The following FBN1 variants were observed in gnomAD, a reference collection of about 807,000 sequenced individuals.
FBN1 encodes the protein fibrillin-1.
Under a neutral mutation model 365.1 loss-of-function variants are expected in FBN1, and 29 were observed. The ratio of observed to expected loss-of-function variants is 0.08; its 90% CI spans 0.06 to 0.11. The LOEUF is 0.11. FBN1 is among the 10% of genes least tolerant of loss of function. FBN1 has a pLI of 1.00. For synonymous variants in FBN1, 1,210 were observed against 1,270.5 expected (o/e 0.95, Z 1.01); for missense variants, 2,476 against 3,703.2 (o/e 0.67, Z 8.60).
chr15:48,633,852 G>A (rs1019952550), intron 2 of FBN1, among the ~76,000 whole-genome samples: 1 of 152,166 alleles, frequency 6.6e-6, no homozygotes, highest in Admixed American at 6.5e-5. Flanking sequence ...CGCCTCTTAG[G>A]TCAGCTCTCG....
At chr15:48,416,335 G>A (rs1007783528) in intron 63 of FBN1, among the ~76,000 whole-genome samples, 3 of 152,142 alleles carry the variant, frequency 2.0e-5, no homozygotes, top group Non-Finnish European at 4.4e-5. Context: ...TCTGCCCCAC[G>A]TGTCTGCCCC....
chr15:48,610,893 C>T, intron 3 of FBN1, 67 bp from the exon 4 acceptor site: 2 of 1,364,720 alleles, frequency 1.5e-6, no homozygotes, highest in African/African-American at 2.8e-5. Flanking sequence ...GGGACCAATC[C>T]TCAAATGAGG....
Position 48,513,540 on chromosome 15 carries a change from G to A in FBN1, c.1588+9C>T, listed in dbSNP as rs757843637. 1.2e-6 allele frequency: 2 copies of A among 1,613,950 alleles called. No homozygotes were observed. The highest frequency in any genetic ancestry group is 8.5e-7 in the Non-Finnish European group (1 of 1,179,878). ...GTCCCACATTCCACGTCAGGAGCCA[G>A]GACCATACCTCGGCATTCTGTCCGC... is the stretch of plus-strand genomic sequence containing the variant. On this transcript the variant is annotated intron_variant, in intron 13 of 65. Coordinates refer to ENST00000316623, the MANE Select transcript of FBN1 (RefSeq NM_000138.5).
At chr15:48,513,411 G>A (rs2141327419) in intron 13 of FBN1, 138 bp downstream of exon 13, 1 of 1,134,150 alleles carries the variant, frequency 8.8e-7, no homozygotes, top group Non-Finnish European at 1.3e-6. Context: ...GACAATAGGT[G>A]GAACTAAGTT....
At chr15:48,454,615 G>T (rs1417341770) in intron 44 of FBN1, among the ~76,000 whole-genome samples, 1 of 152,198 alleles carries the variant, frequency 6.6e-6, no homozygotes, top group African/African-American at 2.4e-5. Flanking sequence ...TCCAATAAAG[G>T]GGATGGCCTA....
chr15:48,487,460 T>G, intron 27 of FBN1, 23 bp from the exon 28 acceptor site: 1 of 1,612,672 alleles, frequency 6.2e-7, no homozygotes. Flanking sequence ...AATGACCATG[T>G]TAAAGGTGGG....
chr15:48,410,170 T>C lies in FBN1; in HGVS notation c.*820A>G, dbSNP rs1597506016. 6.6e-6 allele frequency: 1 copy of C among 152,650 alleles called. No individual in the cohort carries two copies. The highest frequency in any genetic ancestry group is 1.5e-5 in the Non-Finnish European group (1 of 68,036). 9.5% of individuals were successfully genotyped at this position (152,650 alleles called of 1,614,324 possible). A position where few individuals can be genotyped will look rare whatever the true frequency, so the allele number is the denominator to read the frequency against. On this transcript the variant is annotated 3_prime_UTR_variant, in exon 66 of 66. Transcript: ENST00000316623. Reference sequence around the variant, plus strand: ...GAGGGTAATCTTGGCATATTGCACATGCTGTGATGAAGGATGCACTGGTGA... The same window carrying C: ...GAGGGTAATCTTGGCATATTGCACACGCTGTGATGAAGGATGCACTGGTGA...
intron 2 of FBN1, among the ~76,000 whole-genome samples, chr15:48,635,546 G>T (rs928996584): frequency 1.3e-5 from 2 of 151,868 alleles, no homozygotes; most frequent in Non-Finnish European, 2.9e-5. Context: ...AAATTGAGGT[G>T]GATTACACCA....
chr15:48,553,627 T>C (rs2044159210), intron 6 of FBN1, among the ~76,000 whole-genome samples: 1 of 152,192 alleles, frequency 6.6e-6, no homozygotes, highest in Admixed American at 6.5e-5. Context: ...ACTTATATAA[T>C]ACTTCTCACT....
chr15:48,541,347 T>C (rs374488660), intron 6 of FBN1, among the ~76,000 whole-genome samples: 1 of 152,184 alleles, frequency 6.6e-6, no homozygotes, highest in South Asian at 2.1e-4. Flanking sequence ...ATAGACAAAG[T>C]TATTTTGGAA....
chr15:48,513,020 C>T lies in FBN1; in HGVS notation c.1588+529G>A, dbSNP rs564034439. 1.2e-4 allele frequency among the ~76,000 whole-genome samples: 19 copies of T among 152,270 alleles called. No homozygotes were observed. In the South Asian group the frequency reaches 3.3e-3, roughly 27 times the overall value. ...GCAGTGCTTCTCAAACTTCAATGTACATACAGATTGCTGGGGGATCTTGTT... is the reference window on the plus strand; with the variant it reads ...GCAGTGCTTCTCAAACTTCAATGTATATACAGATTGCTGGGGGATCTTGTT... On this transcript the variant is annotated intron_variant, in intron 13 of 65. Coordinates refer to ENST00000316623, the MANE Select transcript of FBN1 (RefSeq NM_000138.5).
chr15:48,607,181 A>C (rs1374736813), intron 4 of FBN1, among the ~76,000 whole-genome samples: 1 of 152,180 alleles, frequency 6.6e-6, no homozygotes, highest in Non-Finnish European at 1.5e-5. Context: ...TTTAATTTTT[A>C]GCATTCTTAA....
chr15:48,514,666 A>G (rs2043786813), intron 12 of FBN1, among the ~76,000 whole-genome samples: 1 of 152,108 alleles, frequency 6.6e-6, no homozygotes, highest in Non-Finnish European at 1.5e-5. Flanking sequence ...AGTCTAAGAG[A>G]GTTGGTAAGC....
Position 48,437,051 on chromosome 15 carries a change from C to T in FBN1, c.6406G>A (p.Val2136Ile). Reference protein sequence around the residue: ...VDMDECKEPDVCKHGQCINTD... With the variant: ...VDMDECKEPDICKHGQCINTD... ...TTGATGCACTGTCCATGTTTACAGA[C>T]ATCGGGTTCTTTGCATTCGTCCATA... is the stretch of plus-strand genomic sequence containing the variant. The change falls in exon 53 of 66, where the codon GTC (valine) becomes ATC (isoleucine). Residue 2136 changes from valine to isoleucine, a missense_variant. Physicochemically the swap from Val to Ile is conservative, Grantham distance 29 (BLOSUM62 3). Transcript: ENST00000316623. The T allele has an allele frequency of 1.2e-6, 2 of 1,612,942 alleles. No homozygotes were observed. The highest frequency in any genetic ancestry group is 2.2e-5 in the South Asian group (2 of 91,064).
At chr15:48,489,337 C>T (rs960952404) in intron 25 of FBN1, among the ~76,000 whole-genome samples, 1 of 151,704 alleles carries the variant, frequency 6.6e-6, no homozygotes, top group African/African-American at 2.4e-5. Flanking sequence ...GCATGAGCCA[C>T]CGCATCCAGC....
At chr15:48,568,075 A>G (rs1331607175) in intron 6 of FBN1, among the ~76,000 whole-genome samples, 3 of 149,108 alleles carry the variant, frequency 2.0e-5, no homozygotes, top group Admixed American at 1.3e-4. Context: ...AAAGAAAGAA[A>G]GAAAGAAAGA....
Position 48,553,672 on chromosome 15 carries a change from AT to A in FBN1, c.539-15865del, listed in dbSNP as rs112684708. On this transcript the variant is annotated intron_variant, in intron 6 of 65. Transcript: ENST00000316623. Reference sequence around the variant, plus strand: ...CTACTCTGTGAGTGTGAGATGAGCCATTTTTTTTTTCCAGATGTTATTGTTA... The same window carrying A: ...CTACTCTGTGAGTGTGAGATGAGCCATTTTTTTTTCCAGATGTTATTGTTA... Among the ~76,000 whole-genome samples the A allele has an allele frequency of 0.017, 2,564 of 150,018 alleles. 207 individuals are homozygous for A. In the East Asian group the frequency reaches 0.24, roughly 14 times the overall value.
At chr15:48,590,069 A>ATGGGAGTTAGCC (rs1290189743) in intron 6 of FBN1, among the ~76,000 whole-genome samples, 2 of 152,230 alleles carry the variant, frequency 1.3e-5, no homozygotes, top group African/African-American at 4.8e-5. Flanking sequence ...CACATGGAGA[A>ATGGGAGTTAGCC]TGGGAGTTAG....
At chr15:48,600,277 C>T (rs1172336827) in intron 4 of FBN1, 43 bp from the exon 5 acceptor site, 1 of 1,385,742 alleles carries the variant, frequency 7.2e-7, no homozygotes, top group East Asian at 2.3e-5. Flanking sequence ...AACTTAAATG[C>T]ATAGATTGCA....
Sources: allele counts gnomAD v4.1 joint callset (sites outside exome capture counted in the v4.1 genomes callset), GRCh38; gene constraint gnomAD v4.1.1; transcripts MANE v1.5; gene names NCBI Gene and HGNC (gene_info 2026-07-23, HGNC 2026-07-21).